The following RARB variants were observed in gnomAD, a reference collection of about 807,000 sequenced individuals.
RARB encodes HBV-activated protein.
In RARB, 17 loss-of-function variants were observed where a neutral mutation model predicts 51.9. The observed-to-expected ratio is 0.33, with a 90% CI of 0.22 to 0.49. The LOEUF is 0.49. RARB is among the 20% of genes least tolerant of loss of function. The pLI is 0.99. For synonymous variants in RARB, 215 were observed against 195.4 expected (o/e 1.10, Z -0.84); for missense variants, 369 against 550.8 (o/e 0.67, Z 3.30).
intron 3 of RARB, among the ~76,000 whole-genome samples, chr3:25,123,761 C>G (rs747824332): frequency 2.0e-5 from 3 of 152,158 alleles, no homozygotes; most frequent in African/African-American, 7.2e-5. Flanking sequence ...ATAGGCTTAG[C>G]GTTTGAAAAT....
chr3:24,888,402 T>C (rs1703304911), intron 2 of RARB, among the ~76,000 whole-genome samples: 2 of 152,120 alleles, frequency 1.3e-5, no homozygotes, highest in Admixed American at 6.6e-5. Context: ...GTTACAGCTT[T>C]TATTCTTTTT....
intron 5 of RARB, among the ~76,000 whole-genome samples, chr3:25,334,070 A>C (rs936442718): frequency 6.6e-6 from 1 of 152,174 alleles, no homozygotes; most frequent in African/African-American, 2.4e-5. Flanking sequence ...ACACTTTTAC[A>C]CTGTTGGTGG....
chr3:25,130,679 C>T lies in RARB; in HGVS notation c.-327-1482C>T, dbSNP rs75401639. Among the ~76,000 whole-genome samples, 562 of 151,920 alleles carry T rather than the reference C, an allele frequency of 3.7e-3. 3 individuals carry two copies. Among genetic ancestry groups the T allele is most frequent in the African/African-American group, 0.013 (544 of 41,466 alleles). ...TTCTGTGCTCCAATTCAACCCTGAG[C>T]ATTGTGTCACTTTTTATAGTTACTG... On this transcript the variant is annotated intron_variant, in intron 3 of 11. Transcript: ENST00000383772.
At chr3:25,402,833 C>G (rs1430370022) in intron 5 of RARB, among the ~76,000 whole-genome samples, 2 of 151,778 alleles carry the variant, frequency 1.3e-5, no homozygotes, top group East Asian at 3.9e-4. Context: ...TGGGGTGGGG[C>G]ATGAGGATGG....
chr3:25,105,311 G>T (rs772926666), intron 3 of RARB, among the ~76,000 whole-genome samples: 1 of 151,768 alleles, frequency 6.6e-6, no homozygotes, highest in Admixed American at 6.6e-5. Context: ...CTGTAAAAAG[G>T]GCAGGGGAGA....
chr3:25,159,361 G>C (rs1337840122), intron 4 of RARB, among the ~76,000 whole-genome samples: 1 of 150,118 alleles, frequency 6.7e-6, no homozygotes. Flanking sequence ...TAGAGACCGG[G>C]TTTCTCCATG....
chr3:25,346,326 A>G (rs1234271589), intron 5 of RARB, among the ~76,000 whole-genome samples: 1 of 152,062 alleles, frequency 6.6e-6, no homozygotes, highest in Non-Finnish European at 1.5e-5. Context: ...CTCCTGACTT[A>G]TTTTTAATAA....
In RARB at chr3:25,597,671, T is replaced by G. The variant is rs1054726519; in HGVS notation, c.*1055T>G. On this transcript the variant is annotated 3_prime_UTR_variant, in exon 8 of 8. Coordinates refer to ENST00000330688, the MANE Select transcript of RARB (RefSeq NM_000965.5). ...CAAAGAAACAGGCATAGAATCTGCCTCCTTTGACCTTGTTCAATCACTATG... is the reference window on the plus strand; with the variant it reads ...CAAAGAAACAGGCATAGAATCTGCCGCCTTTGACCTTGTTCAATCACTATG... 2.0e-5 allele frequency: 3 copies of G among 152,610 alleles called. No individual in the cohort carries two copies. The highest frequency in any genetic ancestry group is 7.2e-5 in the African/African-American group (3 of 41,450). 9.5% of individuals were successfully genotyped at this position (152,610 alleles called of 1,614,324 possible).
intron 5 of RARB, among the ~76,000 whole-genome samples, chr3:25,586,558 A>G (rs1701398356): frequency 6.6e-6 from 1 of 152,204 alleles, no homozygotes; most frequent in Non-Finnish European, 1.5e-5. Flanking sequence ...TCCCTACAAG[A>G]CACACGGCTT....
In RARB at chr3:25,569,842, A is replaced by G. The variant is rs2125285971; in HGVS notation, c.533A>G (p.Asp178Gly). 6.2e-7 allele frequency: 1 copy of G among 1,614,196 alleles called. No homozygotes were observed. Among genetic ancestry groups the G allele is most frequent in the Non-Finnish European group, 8.5e-7 (1 of 1,180,032 alleles). Reference sequence around the variant, plus strand: ...AGCTATGAAATGACAGCTGAGTTGGACGATCTCACAGAGAAGATCCGAAAA... The same window carrying G: ...AGCTATGAAATGACAGCTGAGTTGGGCGATCTCACAGAGAAGATCCGAAAA... ...TESYEMTAEL[D>G]DLTEKIRKAH... Residue 178 changes from aspartate to glycine, a missense_variant, in exon 4 of 8, where the codon GAC becomes GGC. Physicochemically the swap from Asp to Gly is moderately conservative, Grantham distance 94. Around this residue, in one of 9 missense-constraint regions of RARB, gnomAD observed 46 missense variants for 43.2 expected, o/e 1.07. Transcript: ENST00000330688.
intron 5 of RARB, among the ~76,000 whole-genome samples, chr3:25,374,604 C>G (rs1706401096): frequency 6.6e-6 from 1 of 152,028 alleles, no homozygotes; most frequent in African/African-American, 2.4e-5. Flanking sequence ...AGAGAAGCAT[C>G]TCAAGTCTCA....
intron 2 of RARB, among the ~76,000 whole-genome samples, chr3:24,997,501 C>T (rs992196577): frequency 3.3e-5 from 5 of 151,580 alleles, no homozygotes; most frequent in Admixed American, 1.3e-4. Flanking sequence ...CTGGTTATTT[C>T]GTATATTCTT....
intron 5 of RARB, among the ~76,000 whole-genome samples, chr3:25,373,570 A>G (rs1342960854): frequency 6.6e-6 from 1 of 152,220 alleles, no homozygotes; most frequent in Non-Finnish European, 1.5e-5. Context: ...AATCATTTTT[A>G]GCTATAAAAG....
chr3:25,033,478 G>A (rs901231346), intron 2 of RARB, among the ~76,000 whole-genome samples: 6 of 152,184 alleles, frequency 3.9e-5, no homozygotes, highest in Admixed American at 3.9e-4. Flanking sequence ...CCTGAAATGG[G>A]ACTGCACAGG....
At chr3:25,291,770 C>T (rs1703794071) in intron 5 of RARB, among the ~76,000 whole-genome samples, 1 of 152,046 alleles carries the variant, frequency 6.6e-6, no homozygotes, top group African/African-American at 2.4e-5. Flanking sequence ...CATCTAGTAG[C>T]AGCTTGTATG....
In RARB at chr3:25,353,435, G is replaced by C. The variant is rs1019487444; in HGVS notation, c.179-107758G>C. The stretch of plus-strand genomic sequence containing the variant: ...TGGACCCTTTAGATTTGTTTTCTGC[G>C]CTTGGCAGTATCAATACAGATTCCT... On this transcript the variant is annotated intron_variant, in intron 5 of 11. Coordinates refer to the RARB transcript ENST00000383772. 3.9e-5 allele frequency among the ~76,000 whole-genome samples: 6 copies of C among 152,090 alleles called. No individual in the cohort carries two copies. The South Asian group carries it at 1.0e-3, about 26-fold the overall frequency.
At chr3:25,067,546 G>C (rs780156425) in intron 3 of RARB, among the ~76,000 whole-genome samples, 2 of 152,140 alleles carry the variant, frequency 1.3e-5, no homozygotes, top group Non-Finnish European at 2.9e-5. Flanking sequence ...TTGATGTACA[G>C]TTCTGATGTT....
intron 4 of RARB, among the ~76,000 whole-genome samples, chr3:25,575,298 C>CG (rs1184522940): frequency 1.3e-5 from 2 of 152,160 alleles, no homozygotes; most frequent in African/African-American, 2.4e-5. Flanking sequence ...AGCAGGACAC[C>CG]GACCAGTACC....
At chr3:25,451,061 C>T (rs1281279221) in intron 1 of RARB, among the ~76,000 whole-genome samples, 1 of 152,070 alleles carries the variant, frequency 6.6e-6, no homozygotes, top group Non-Finnish European at 1.5e-5. Flanking sequence ...CATGGCTGCC[C>T]ATGCCAGGTT....
Sources: allele counts gnomAD v4.1 joint callset (sites outside exome capture counted in the v4.1 genomes callset), GRCh38; gene constraint gnomAD v4.1.1; regional missense constraint gnomAD v4.1.1; transcripts MANE v1.5; gene names NCBI Gene and HGNC (gene_info 2026-07-23, HGNC 2026-07-21).